The following MEG3 variants were observed in gnomAD, a reference collection of about 807,000 sequenced individuals.
MEG3 encodes the protein Very putative protein from MEG3 locus.
chr14:100,849,681 T>C (rs2139992389), intron 3 of MEG3: 1 of 152,230 alleles, frequency 6.6e-6, no homozygotes, highest in Admixed American at 6.5e-5. Flanking sequence ...AAGAGTAGGA[T>C]CTGTTAGGAT....
chr14:100,826,522 G>T (rs1393862348), intron 1 of MEG3, among the ~76,000 whole-genome samples: 1 of 152,206 alleles, frequency 6.6e-6, no homozygotes, highest in Non-Finnish European at 1.5e-5. Flanking sequence ...AACTCCTCTT[G>T]GATTCGGGTA....
chr14:100,852,783 C>T (rs556458543), upstream of MEG3: 11 of 211,760 alleles, frequency 5.2e-5, no homozygotes, highest in South Asian at 3.9e-4. Context: ...AAGGAACAAG[C>T]GACGTTGGCT....
intron 2 of MEG3, among the ~76,000 whole-genome samples, chr14:100,843,958 G>A (rs2037837655): frequency 6.7e-6 from 1 of 149,824 alleles, no homozygotes; most frequent in East Asian, 2.0e-4. Context: ...TCCTGTCTCA[G>A]CCTCCCGAGT....
intron 1 of MEG3, chr14:100,827,478 C>G (rs961999268): frequency 2.0e-5 from 3 of 152,210 alleles, no homozygotes; most frequent in African/African-American, 7.2e-5. Context: ...CCGCAGAGGC[C>G]GGGGTCGGCC....
intron 2 of MEG3, among the ~76,000 whole-genome samples, chr14:100,838,309 C>T (rs1338735551): frequency 6.6e-6 from 1 of 152,176 alleles, no homozygotes; most frequent in Non-Finnish European, 1.5e-5. Context: ...ACCCTCTTTG[C>T]ACTGAGTTGT....
At chr14:100,835,975 T>A (rs771946067) in intron 1 of MEG3, 2 of 337,768 alleles carry the variant, frequency 5.9e-6, no homozygotes, top group Non-Finnish European at 1.1e-5. Flanking sequence ...CAGTTCTGGA[T>A]TTGGGGCTGC....
exon 1 of MEG3, chr14:100,859,293 G>GA (rs2038333926): frequency 6.6e-6 from 1 of 152,186 alleles, no homozygotes; most frequent in East Asian, 1.9e-4. Context: ...CCTGTTCTGG[G>GA]GCCTCACTGC....
exon 1 of MEG3, chr14:100,834,965 C>T (rs1238815782): frequency 7.6e-6 from 3 of 393,596 alleles, no homozygotes; most frequent in African/African-American, 2.1e-5. Context: ...CCTAACTGAG[C>T]ACGCCCACGG....
upstream of MEG3, chr14:100,856,450 T>A (rs139918632): frequency 1.3e-5 from 2 of 152,814 alleles, no homozygotes; most frequent in South Asian, 4.1e-4. Flanking sequence ...GAGTTGAGTC[T>A]GCCTACGGGG....
chr14:100,836,491 C>T (rs752868550), intron 2 of MEG3, among the ~76,000 whole-genome samples: 1 of 152,132 alleles, frequency 6.6e-6, no homozygotes, highest in African/African-American at 2.4e-5. Flanking sequence ...CTATACCCAG[C>T]AAGCATGTGT....
chr14:100,853,977 A>G (rs190826294), upstream of MEG3: 22 of 152,326 alleles, frequency 1.4e-4, no homozygotes, highest in African/African-American at 5.3e-4. Context: ...AGAATGGAGG[A>G]AGGAGCGAGT....
downstream of MEG3, chr14:100,832,861 G>A (rs1021659568): frequency 6.6e-6 from 1 of 152,266 alleles, no homozygotes. Context: ...CCTTCGCACA[G>A]ATGCAAATGG....
downstream of MEG3, chr14:100,830,921 GCTTTGAGTTAAT>G (rs983850721): frequency 6.5e-6 from 1 of 152,674 alleles, no homozygotes; most frequent in Non-Finnish European, 1.5e-5. Flanking sequence ...GCGGAGACCT[GCTTTGAGTTAAT>G]CCAGGCTATT....
chr14:100,857,959 G>C (rs1215117556), exon 1 of MEG3: 1 of 152,168 alleles, frequency 6.6e-6, no homozygotes, highest in Non-Finnish European at 1.5e-5. Context: ...AGGTGCAGAA[G>C]GTAGGCTTTG....
exon 1 of MEG3, chr14:100,834,890 C>T (rs1346082825): frequency 5.4e-5 from 24 of 441,782 alleles, no homozygotes; most frequent in Middle Eastern, 3.5e-4. Context: ...CCCATTTGAA[C>T]GGGGGCCTTG....
chr14:100,826,508 AT>A (rs1309626242), intron 1 of MEG3: 1 of 152,282 alleles, frequency 6.6e-6, no homozygotes, highest in African/African-American at 2.4e-5. Flanking sequence ...GAGGAATCAG[AT>A]GGAACTCCTC....
chr14:100,828,475 ATCTC>A lies in MEG3; in HGVS notation n.372-229_372-226del, dbSNP rs2037311663. ...TCCCTCTTCCCCCCTCATTTTCCTC[ATCTC>A]TCTTTTCCCCTCCCCTTCTCTCCTC... On this transcript the variant is annotated intron_variant and non_coding_transcript_variant, in intron 1 of 2. Coordinates refer to ENST00000556407, the Ensembl canonical transcript of MEG3. Among the ~76,000 whole-genome samples the A allele has an allele frequency of 4.1e-5, 3 of 72,944 alleles. No homozygotes were observed. The South Asian group carries it at 1.9e-3, about 47-fold the overall frequency. The allele number at this position is 72,944 out of a possible 152,430, so 47.9% of individuals were successfully genotyped here.
exon 1 of MEG3, chr14:100,835,582 A>C (rs1003404888): frequency 6.5e-6 from 1 of 153,922 alleles, no homozygotes; most frequent in Non-Finnish European, 1.4e-5. Flanking sequence ...TCTCTGCCTC[A>C]GTCCCTGGGC....
chr14:100,842,266 C>A (rs527564851), intron 2 of MEG3, among the ~76,000 whole-genome samples: 8 of 152,198 alleles, frequency 5.3e-5, no homozygotes, highest in African/African-American at 1.9e-4. Context: ...CATCCATTAA[C>A]GGTAAACAGG....
Sources: allele counts gnomAD v4.1 joint callset (sites outside exome capture counted in the v4.1 genomes callset), GRCh38; gene constraint gnomAD v4.1.1; transcripts MANE v1.5; gene names NCBI Gene and HGNC (gene_info 2026-07-23, HGNC 2026-07-21).